DAPK2: variants seen among roughly 807,000 people sequenced by gnomAD.
DAPK2 encodes the protein death-associated protein kinase 2.
DAPK2 carries 35 observed loss-of-function variants against 44.1 expected under a neutral mutation model. That is an observed-to-expected ratio of 0.79 (90% CI 0.61 to 1.05). The LOEUF (loss-of-function observed/expected upper bound fraction) is 1.05, where lower values mean the gene tolerates loss of function less well. DAPK2 is among the 50% of genes least tolerant of loss of function. The probability of loss-of-function intolerance (pLI) is 0.00; values close to 1 mark genes in which losing one functional copy is unlikely to be tolerated. For synonymous variants in DAPK2, 174 were observed against 182.6 expected (o/e 0.95, Z 0.38); for missense variants, 453 against 483.2 (o/e 0.94, Z 0.59).
At chr15:63,994,460 A>G (rs993522356) in intron 1 of DAPK2, among the ~76,000 whole-genome samples, 1 of 136,278 alleles carries the variant, frequency 7.3e-6, no homozygotes, top group Non-Finnish European at 1.6e-5. Context: ...GAAGGAAGGA[A>G]GGAAGGAAAC....
intron 1 of DAPK2, among the ~76,000 whole-genome samples, chr15:64,016,604 G>A (rs1419525785): frequency 6.6e-6 from 1 of 152,162 alleles, no homozygotes; most frequent in Admixed American, 6.5e-5. Context: ...GACCAGCCTA[G>A]GCAAGTAGCA....
intron 1 of DAPK2, among the ~76,000 whole-genome samples, chr15:64,000,188 C>CA (rs1555477986): frequency 2.1e-5 from 1 of 46,606 alleles, no homozygotes; most frequent in Non-Finnish European, 9.3e-5. Context: ...ACTACTACTA[C>CA]ACACACACAC....
At chr15:63,928,980 A>G (rs1048628100) in intron 6 of DAPK2, among the ~76,000 whole-genome samples, 1 of 152,158 alleles carries the variant, frequency 6.6e-6, no homozygotes, top group African/African-American at 2.4e-5. Flanking sequence ...AGGTGGATGG[A>G]CCACGAGGTT....
chr15:64,030,891 G>A (rs1454805540), intron 1 of DAPK2, among the ~76,000 whole-genome samples: 3 of 151,742 alleles, frequency 2.0e-5, no homozygotes, highest in Admixed American at 1.3e-4. Flanking sequence ...TGCTGGAGCC[G>A]GGGAGCTTGA....
At position 63,908,589 on chromosome 15, in the gene DAPK2, C is replaced by T; in HGVS notation, c.1044G>A (p.Glu348=). 6.3e-7 allele frequency: 1 copy of T among 1,598,412 alleles called. No homozygotes were observed. Among genetic ancestry groups the T allele is most frequent in the Middle Eastern group, 1.7e-4 (1 of 6,026 alleles). Residue 348 remains glutamate (E), a synonymous_variant, in exon 11 of 11, where the codon GAG becomes GAA. Transcript: ENST00000261891. This position sits in a 1 kb window ranked among gnomAD's most constrained non-coding sequence, Gnocchi z 5.7. ...TGGCGATGTCCTCCTCAGTGTCACTCTCACAGTTCCTCTGGAGAAAAAAAA... is the reference window on the plus strand; with the variant it reads ...TGGCGATGTCCTCCTCAGTGTCACTTTCACAGTTCCTCTGGAGAAAAAAAA...
At chr15:64,016,851 GGAA>G (rs1299158236) in intron 1 of DAPK2, among the ~76,000 whole-genome samples, 90 of 47,252 alleles carry the variant, frequency 1.9e-3, no homozygotes, top group African/African-American at 5.0e-3. Context: ...AAGGAAGGAA[GGAA>G]GGAAGGAAGG....
intron 3 of DAPK2, among the ~76,000 whole-genome samples, chr15:63,964,972 G>A (rs1450093906): frequency 6.6e-6 from 1 of 152,122 alleles, no homozygotes; most frequent in Non-Finnish European, 1.5e-5. Context: ...TTCATTTGGT[G>A]AAGTCATGAT....
chr15:63,976,189 A>G (rs1309043973), intron 2 of DAPK2, among the ~76,000 whole-genome samples: 2 of 152,230 alleles, frequency 1.3e-5, no homozygotes, highest in South Asian at 2.1e-4. Flanking sequence ...AACTTTCTGC[A>G]ATGATGAAAA....
chr15:64,007,425 T>C (rs1439570056), intron 1 of DAPK2, among the ~76,000 whole-genome samples: 1 of 151,994 alleles, frequency 6.6e-6, no homozygotes, highest in Non-Finnish European at 1.5e-5. Flanking sequence ...CCTGCTCACA[T>C]TTCATCTTAG....
intron 2 of DAPK2, among the ~76,000 whole-genome samples, chr15:63,983,100 C>T (rs2078569498): frequency 1.3e-5 from 2 of 152,162 alleles, no homozygotes; most frequent in Non-Finnish European, 2.9e-5. Context: ...AGAAGGGCTT[C>T]GCAGAGCCCA....
chr15:64,004,196 C>A (rs1305132928), intron 1 of DAPK2, among the ~76,000 whole-genome samples: 4 of 152,132 alleles, frequency 2.6e-5, no homozygotes, highest in Non-Finnish European at 5.9e-5. Flanking sequence ...CCATTTCTCA[C>A]TGTCTGGATT....
In DAPK2 at chr15:63,912,204, G is replaced by C; in HGVS notation, c.859-7C>G. 2 of 1,613,874 alleles carry C rather than the reference G, an allele frequency of 1.2e-6. No homozygotes were observed. The highest frequency in any genetic ancestry group is 1.7e-6 in the Non-Finnish European group (2 of 1,179,978). On this transcript the variant is annotated splice_polypyrimidine_tract_variant and splice_region_variant and intron_variant, in intron 8 of 10. Transcript: ENST00000261891. This position sits in a 1 kb window ranked among gnomAD's most constrained non-coding sequence, Gnocchi z 4.4. ...CTTGCTGGTTGTCCACCGGCTGAGA[G>C]ACAAAGCAGAGCATGGCAGCTGATG...
At chr15:64,030,409 T>C (rs2079978503) in intron 1 of DAPK2, among the ~76,000 whole-genome samples, 1 of 152,130 alleles carries the variant, frequency 6.6e-6, no homozygotes. Flanking sequence ...CTGCCTCTCC[T>C]GTTTGTGGCC....
At chr15:63,963,309 G>A (rs1170596265) in intron 3 of DAPK2, among the ~76,000 whole-genome samples, 1 of 151,784 alleles carries the variant, frequency 6.6e-6, no homozygotes. Flanking sequence ...CGAGTGAGGC[G>A]ATGCCCCTCC....
intron 8 of DAPK2, among the ~76,000 whole-genome samples, chr15:63,914,282 G>A (rs1281940912): frequency 6.6e-6 from 1 of 152,178 alleles, no homozygotes; most frequent in Non-Finnish European, 1.5e-5. Context: ...GGAAGTGGAT[G>A]GGAGATGAGA....
chr15:63,915,896 G>T (rs1481786330), intron 8 of DAPK2, among the ~76,000 whole-genome samples: 1 of 152,218 alleles, frequency 6.6e-6, no homozygotes, highest in Non-Finnish European at 1.5e-5. Flanking sequence ...TGAAAATTCT[G>T]CAGCAAAATT....
At chr15:63,981,734 G>C (rs1312772594) in intron 2 of DAPK2, among the ~76,000 whole-genome samples, 1 of 151,292 alleles carries the variant, frequency 6.6e-6, no homozygotes, top group Admixed American at 6.6e-5. Flanking sequence ...GTCACTCTCT[G>C]CTGGGAATCA....
intron 1 of DAPK2, among the ~76,000 whole-genome samples, chr15:64,034,244 C>T (rs1407236171): frequency 6.6e-6 from 1 of 152,078 alleles, no homozygotes; most frequent in African/African-American, 2.4e-5. Flanking sequence ...CACACATTTC[C>T]TAGAGGATGT....
At position 63,924,701 on chromosome 15, in the gene DAPK2, G is replaced by A. The variant is rs1160238959; in HGVS notation, c.858+115C>T. 10 of 1,147,038 alleles carry A rather than the reference G, an allele frequency of 8.7e-6. No homozygotes were observed. The East Asian group carries it at 2.4e-4, about 27-fold the overall frequency. The allele number at this position is 1,147,038 out of a possible 1,614,324, so 71.1% of individuals were successfully genotyped here. ...TGGCTAGCTTTCATCTGTGCCCAGG[G>A]TCAGTGTTTAAAGCAAAGGCCTCTC... On this transcript the variant is annotated intron_variant, in intron 8 of 10. Transcript: ENST00000261891.
Sources: allele counts gnomAD v4.1 joint callset (sites outside exome capture counted in the v4.1 genomes callset), GRCh38; gene constraint gnomAD v4.1.1; non-coding constraint Gnocchi (gnomAD v3.1); transcripts MANE v1.5; gene names NCBI Gene and HGNC (gene_info 2026-07-23, HGNC 2026-07-21).